The following TNKS variants were observed in gnomAD, a reference collection of about 807,000 sequenced individuals.
TNKS encodes poly [ADP-ribose] polymerase tankyrase-1.
TNKS carries 72 observed loss-of-function variants against 135.8 expected under a neutral mutation model. The observed-to-expected ratio is 0.53, with a 90% CI of 0.44 to 0.64. The LOEUF (loss-of-function observed/expected upper bound fraction) is 0.64. Among genes scored for constraint, TNKS ranks in the 30% least tolerant of loss-of-function variants. TNKS has a pLI of 0.00. For synonymous variants in TNKS, 849 were observed against 649.3 expected (o/e 1.31, Z -4.68); for missense variants, 1,769 against 1,674.0 (o/e 1.06, Z -0.99).
At position 9,583,431 on chromosome 8, in the gene TNKS, A is replaced by C. The variant is rs976967374; in HGVS notation, c.898+3048A>C. ...AACTTATTTATCTTTGCTTCTCCCT[A>C]CCCCTCAAATATAGTCTCCAAAACC... On this transcript the variant is annotated intron_variant, in intron 2 of 26. Coordinates refer to ENST00000310430, the MANE Select transcript of TNKS (RefSeq NM_003747.3). Among the ~76,000 whole-genome samples the C allele has an allele frequency of 6.6e-5, 10 of 151,996 alleles. 1 individual carries two copies. Among genetic ancestry groups the C allele is most frequent in the African/African-American group, 2.4e-4 (10 of 41,466 alleles).
intron 20 of TNKS, among the ~76,000 whole-genome samples, chr8:9,754,200 C>T (rs767887848): frequency 2.6e-5 from 4 of 152,136 alleles, no homozygotes; most frequent in African/African-American, 4.8e-5. Flanking sequence ...AGAACATAGA[C>T]GTATCATTTT....
chr8:9,748,282 C>T (rs1806341016), intron 18 of TNKS, 70 bp downstream of exon 18: 1 of 1,274,924 alleles, frequency 7.8e-7, no homozygotes, highest in South Asian at 2.6e-5. Flanking sequence ...TTCTCGGGTT[C>T]ACCAGCTTAC....
chr8:9,608,603 G>A (rs1286192224), intron 2 of TNKS, among the ~76,000 whole-genome samples: 1 of 152,142 alleles, frequency 6.6e-6, no homozygotes, highest in Non-Finnish European at 1.5e-5. Flanking sequence ...GTACAGCCCA[G>A]CCCAGCCATG....
rs568756281 is a variant in TNKS at position 9,710,102 on chromosome 8, G to A, written c.1671-40G>A. On this transcript the variant is annotated intron_variant, in intron 10 of 26. Coordinates refer to ENST00000310430, the MANE Select transcript of TNKS (RefSeq NM_003747.3). ...TTCCTAAAGAGGAAATGCAATAAAAGAGAGACAATTACCTTTTCTTTCTTT... is the reference window on the plus strand; with the variant it reads ...TTCCTAAAGAGGAAATGCAATAAAAAAGAGACAATTACCTTTTCTTTCTTT... 5.0e-6 allele frequency: 8 copies of A among 1,612,834 alleles called. No individual in the cohort carries two copies. In the South Asian group the frequency reaches 6.6e-5, roughly 13 times the overall value.
At chr8:9,738,948 G>A (rs1422900836) in intron 17 of TNKS, among the ~76,000 whole-genome samples, 2 of 150,980 alleles carry the variant, frequency 1.3e-5, no homozygotes, top group Admixed American at 6.6e-5. Context: ...CAATTCCTGG[G>A]TATCCTTGTT....
chr8:9,759,977 C>CA (rs1207262759), intron 20 of TNKS, among the ~76,000 whole-genome samples: 4 of 108,842 alleles, frequency 3.7e-5, no homozygotes, highest in East Asian at 2.6e-4. Flanking sequence ...GACTCTGTCT[C>CA]AAAAGAAAAC....
At chr8:9,662,259 G>C (rs1284064712) in intron 3 of TNKS, among the ~76,000 whole-genome samples, 2 of 152,178 alleles carry the variant, frequency 1.3e-5, no homozygotes, top group Admixed American at 6.5e-5. Context: ...ATACCCAAAG[G>C]ATTATAAATC....
At chr8:9,716,938 GC>G (rs569209538) in intron 11 of TNKS, among the ~76,000 whole-genome samples, 2 of 150,988 alleles carry the variant, frequency 1.3e-5, no homozygotes, top group Non-Finnish European at 3.0e-5. Context: ...AATAAGAGTC[GC>G]TTGTTGAGTA....
At chr8:9,598,489 T>C (rs993079677) in intron 2 of TNKS, among the ~76,000 whole-genome samples, 22 of 151,794 alleles carry the variant, frequency 1.4e-4, no homozygotes, top group Admixed American at 5.2e-4. Context: ...GTGATAAAAA[T>C]ATTAATTGCC....
chr8:9,684,008 G>C (rs1414825816), intron 5 of TNKS, among the ~76,000 whole-genome samples: 2 of 150,670 alleles, frequency 1.3e-5, no homozygotes, highest in African/African-American at 2.4e-5. Context: ...TTTTGTTGTT[G>C]CTCTAAAATG....
chr8:9,744,349 C>G (rs1433922771), intron 17 of TNKS, among the ~76,000 whole-genome samples: 1 of 152,172 alleles, frequency 6.6e-6, no homozygotes, highest in Non-Finnish European at 1.5e-5. Context: ...TTCATTTTCT[C>G]TCAACTGTTT....
chr8:9,710,113 A>G (rs961396520), intron 10 of TNKS, 29 bp from the exon 11 acceptor site: 59 of 1,611,438 alleles, frequency 3.7e-5, no homozygotes, highest in Middle Eastern at 3.3e-4. Context: ...AGAGACAATT[A>G]CCTTTTCTTT....
intron 26 of TNKS, among the ~76,000 whole-genome samples, chr8:9,773,837 A>G (rs1165016822): frequency 1.3e-5 from 2 of 152,162 alleles, no homozygotes; most frequent in East Asian, 1.9e-4. Flanking sequence ...TGTTAACTCT[A>G]GCGTCTGCTA....
intron 3 of TNKS, among the ~76,000 whole-genome samples, chr8:9,629,931 C>T (rs975079450): frequency 6.6e-6 from 1 of 152,190 alleles, no homozygotes; most frequent in Admixed American, 6.5e-5. Context: ...ATCCGCCCGC[C>T]TCGGCCTCCC....
At chr8:9,748,919 T>C (rs543264370) in intron 18 of TNKS, among the ~76,000 whole-genome samples, 1 of 152,334 alleles carries the variant, frequency 6.6e-6, no homozygotes, top group African/African-American at 2.4e-5. Context: ...GCTTCATTCA[T>C]ATGCCTGGGG....
chr8:9,583,337 G>A (rs1304192169), intron 2 of TNKS, among the ~76,000 whole-genome samples: 1 of 152,020 alleles, frequency 6.6e-6, no homozygotes, highest in Admixed American at 6.6e-5. Flanking sequence ...TGGGAATGTT[G>A]ATGACAGTTT....
At chr8:9,638,251 A>C (rs1800588747) in intron 3 of TNKS, among the ~76,000 whole-genome samples, 1 of 152,238 alleles carries the variant, frequency 6.6e-6, no homozygotes. Flanking sequence ...TTGGGATTAC[A>C]GATACAAGGT....
chr8:9,721,762 G>C (rs1316694736), intron 12 of TNKS, among the ~76,000 whole-genome samples: 2 of 152,086 alleles, frequency 1.3e-5, no homozygotes, highest in East Asian at 3.9e-4. Context: ...TATATAAAAC[G>C]CCCTAACTAG....
intron 12 of TNKS, among the ~76,000 whole-genome samples, 162 bp from the exon 13 acceptor site, chr8:9,726,479 A>G (rs1585382074): frequency 6.6e-6 from 1 of 152,340 alleles, no homozygotes; most frequent in South Asian, 2.1e-4. Flanking sequence ...TAACAAATCT[A>G]TGGCAAAGTT....
Sources: gnomAD v4.1 joint callset for allele counts (sites outside exome capture counted in the v4.1 genomes callset) on GRCh38, gnomAD v4.1.1 for gene constraint, MANE v1.5 for transcripts, NCBI Gene and HGNC (gene_info 2026-07-23, HGNC 2026-07-21) for gene names.